ZFAT: variants seen among roughly 807,000 people sequenced by gnomAD.
ZFAT encodes zinc finger protein ZFAT.
ZFAT carries 64 observed loss-of-function variants against 117.7 expected under a neutral mutation model. The ratio of observed to expected loss-of-function variants is 0.54; its 90% CI spans 0.44 to 0.67. The LOEUF (loss-of-function observed/expected upper bound fraction) is 0.67. Among genes scored for constraint, ZFAT ranks in the 30% least tolerant of loss-of-function variants. The pLI is 0.00. For missense variants in ZFAT, 1,433 were observed against 1,584.5 expected, an observed-to-expected ratio of 0.90 and a Z score of 1.62; for synonymous variants, 679 against 615.0, an observed-to-expected ratio of 1.10 and a Z score of -1.54.
chr8:134,547,107 A>T (rs1287765652), intron 11 of ZFAT, among the ~76,000 whole-genome samples: 2 of 152,184 alleles, frequency 1.3e-5, no homozygotes, highest in Non-Finnish European at 2.9e-5. Flanking sequence ...CATCTTGCAG[A>T]CAAGGCCCTG....
chr8:134,564,213 A>C (rs1259130223), intron 11 of ZFAT, among the ~76,000 whole-genome samples: 1 of 151,778 alleles, frequency 6.6e-6, no homozygotes, highest in Non-Finnish European at 1.5e-5. Flanking sequence ...AAAAAAAAAA[A>C]AAGAGTATCT....
the ZFAT span, among the ~76,000 whole-genome samples, chr8:134,744,760 T>C: frequency 5.0e-5 from 6 of 120,536 alleles, no homozygotes; most frequent in Admixed American, 9.7e-5. Flanking sequence ...GACGGAGGCT[T>C]GCTCTGTCAC....
chr8:134,611,512 G>A (rs1440410039), intron 3 of ZFAT, among the ~76,000 whole-genome samples: 1 of 152,122 alleles, frequency 6.6e-6, no homozygotes, highest in East Asian at 1.9e-4. Context: ...TGAGAAGACT[G>A]GAACCTTCCT....
At chr8:134,513,522 A>T (rs987984444) in intron 13 of ZFAT, among the ~76,000 whole-genome samples, 1 of 152,228 alleles carries the variant, frequency 6.6e-6, no homozygotes, top group Admixed American at 6.5e-5. Context: ...ACTGACTACA[A>T]GAAATATATT....
At chr8:134,536,409 T>C (rs749889647) in intron 11 of ZFAT, among the ~76,000 whole-genome samples, 1 of 152,190 alleles carries the variant, frequency 6.6e-6, no homozygotes, top group Non-Finnish European at 1.5e-5. Flanking sequence ...TCCCAGACTC[T>C]TTCCTTCATT....
intron 3 of ZFAT, among the ~76,000 whole-genome samples, chr8:134,633,542 A>G (rs573595874): frequency 2.4e-4 from 37 of 152,354 alleles, no homozygotes; most frequent in African/African-American, 8.9e-4. Context: ...ATGCCCATGC[A>G]TATGAAGAAA....
chr8:134,483,967 T>C (rs560442575), intron 15 of ZFAT, among the ~76,000 whole-genome samples: 28 of 152,228 alleles, frequency 1.8e-4, no homozygotes, highest in Non-Finnish European at 3.7e-4. Flanking sequence ...ACTTTCTTCC[T>C]ACTCCCCTGC....
intron 3 of ZFAT, among the ~76,000 whole-genome samples, chr8:134,615,724 T>A (rs1293314141): frequency 6.6e-6 from 1 of 152,202 alleles, no homozygotes; most frequent in Non-Finnish European, 1.5e-5. Flanking sequence ...ACATCCTTCA[T>A]CAATTCTCTG....
chr8:134,550,310 G>GAAAAAAAAAAA (rs10680896), intron 11 of ZFAT, among the ~76,000 whole-genome samples: 1,367 of 72,356 alleles, frequency 0.019, 149 homozygotes, highest in East Asian at 0.039. Context: ...GGTCACAACG[G>GAAAAAAAAAAA]AAAAAAAAAA....
At chr8:134,686,344 C>A (rs1023901272) in intron 1 of ZFAT, among the ~76,000 whole-genome samples, 1 of 152,124 alleles carries the variant, frequency 6.6e-6, no homozygotes, top group Non-Finnish European at 1.5e-5. Context: ...TCCTGGTTAT[C>A]CTGGGTTGGG....
chr8:134,730,923 T>A, the ZFAT span, among the ~76,000 whole-genome samples: 2 of 152,232 alleles, frequency 1.3e-5, no homozygotes, highest in African/African-American at 2.4e-5. Flanking sequence ...GGCTACTATA[T>A]GAAGAAAAGC....
intron 1 of ZFAT, among the ~76,000 whole-genome samples, chr8:134,681,682 C>T (rs930209206): frequency 6.6e-6 from 1 of 152,128 alleles, no homozygotes; most frequent in Non-Finnish European, 1.5e-5. Flanking sequence ...GAGAGTACAA[C>T]CACCAAAACT....
chr8:134,563,487 A>T (rs752408877), intron 11 of ZFAT, among the ~76,000 whole-genome samples: 18 of 152,164 alleles, frequency 1.2e-4, no homozygotes, highest in Non-Finnish European at 2.9e-5. Flanking sequence ...GAACCATGAA[A>T]ATTCACCTCC....
At chr8:134,499,107 C>G (rs1422614035) in intron 15 of ZFAT, among the ~76,000 whole-genome samples, 1 of 103,668 alleles carries the variant, frequency 9.6e-6, no homozygotes, top group Non-Finnish European at 2.0e-5. Flanking sequence ...GCTGGGATGC[C>G]CCCGTTGCTG....
the ZFAT span, among the ~76,000 whole-genome samples, chr8:134,740,714 A>AGGACCTCTGGCC: frequency 1.3e-5 from 2 of 152,178 alleles, no homozygotes; most frequent in Non-Finnish European, 2.9e-5. Flanking sequence ...GGCCTTTGGA[A>AGGACCTCTGGCC]GGACCTCTGG....
At chr8:134,593,127 C>A (rs972970736) in intron 7 of ZFAT, among the ~76,000 whole-genome samples, 6 of 152,198 alleles carry the variant, frequency 3.9e-5, no homozygotes, top group Non-Finnish European at 5.9e-5. Flanking sequence ...ACCTCCACCA[C>A]CCCTGGCTGC....
intron 1 of ZFAT, among the ~76,000 whole-genome samples, chr8:134,685,750 C>CT (rs1208577494): frequency 6.6e-6 from 1 of 152,188 alleles, no homozygotes; most frequent in East Asian, 1.9e-4. Flanking sequence ...GCGACATATA[C>CT]GTGCTAACAT....
intron 15 of ZFAT, among the ~76,000 whole-genome samples, chr8:134,488,523 ACT>A (rs1817815688): frequency 1.3e-5 from 2 of 152,006 alleles, no homozygotes; most frequent in African/African-American, 4.8e-5. Flanking sequence ...AAAGCCACCC[ACT>A]CTCTGCTTTG....
intron 3 of ZFAT, among the ~76,000 whole-genome samples, chr8:134,619,192 C>T (rs1246220807): frequency 7.9e-5 from 12 of 152,068 alleles, no homozygotes; most frequent in Non-Finnish European, 1.6e-4. Flanking sequence ...GTGCTCAGAA[C>T]ACTTACATTA....
Sources: allele counts gnomAD v4.1 joint callset (sites outside exome capture counted in the v4.1 genomes callset), GRCh38; gene constraint gnomAD v4.1.1; transcripts MANE v1.5; gene names NCBI Gene and HGNC (gene_info 2026-07-23, HGNC 2026-07-21).